ASIC2: variants seen among roughly 807,000 people sequenced by gnomAD.
The protein encoded by ASIC2 is acid-sensing ion channel 2.
A neutral mutation model predicts 57.3 loss-of-function variants in ASIC2; 25 were observed. The ratio of observed to expected loss-of-function variants is 0.44; its 90% CI spans 0.32 to 0.61. The LOEUF (loss-of-function observed/expected upper bound fraction) is 0.61, where lower values mean the gene tolerates loss of function less well. ASIC2 is among the 20% of genes least tolerant of loss of function. The pLI is 0.06. For synonymous variants in ASIC2, 319 were observed against 307.5 expected, an observed-to-expected ratio of 1.04 and a Z score of -0.39; for missense variants, 641 against 738.1, an observed-to-expected ratio of 0.87 and a Z score of 1.52.
chr17:33,212,161 C>T (rs768210277), intron 1 of ASIC2, among the ~76,000 whole-genome samples: 7 of 152,176 alleles, frequency 4.6e-5, no homozygotes, highest in Non-Finnish European at 8.8e-5. Flanking sequence ...CAGATATCCA[C>T]GTCCTAATCC....
At chr17:33,020,447 T>TAA (rs1340747249) in intron 7 of ASIC2, among the ~76,000 whole-genome samples, 1 of 152,156 alleles carries the variant, frequency 6.6e-6, no homozygotes, top group Non-Finnish European at 1.5e-5. Flanking sequence ...AGACAACAGC[T>TAA]ATTTCTCTTT....
intron 1 of ASIC2, among the ~76,000 whole-genome samples, chr17:33,787,864 G>A (rs1911653832): frequency 6.6e-6 from 1 of 152,176 alleles, no homozygotes; most frequent in Non-Finnish European, 1.5e-5. Flanking sequence ...TTTTTCATTA[G>A]TGGTTTAGGA....
At chr17:33,579,827 C>G (rs115562223) in intron 1 of ASIC2, among the ~76,000 whole-genome samples, 8 of 152,150 alleles carry the variant, frequency 5.3e-5, no homozygotes, top group African/African-American at 1.9e-4. Context: ...CGGCGTCTGG[C>G]TCGGGTGGGC....
intron 1 of ASIC2, among the ~76,000 whole-genome samples, chr17:33,425,055 C>G (rs1484025364): frequency 6.6e-6 from 1 of 152,142 alleles, no homozygotes; most frequent in African/African-American, 2.4e-5. Context: ...TTAAATTTCC[C>G]AACACTCCTA....
chr17:33,970,940 T>G (rs986516391), intron 1 of ASIC2, among the ~76,000 whole-genome samples: 1 of 152,178 alleles, frequency 6.6e-6, no homozygotes, highest in African/African-American at 2.4e-5. Context: ...CCTTCAGTCC[T>G]GCAAAAGAGG....
chr17:33,148,125 G>A (rs1215031715), intron 1 of ASIC2, among the ~76,000 whole-genome samples: 1 of 152,190 alleles, frequency 6.6e-6, no homozygotes, highest in Non-Finnish European at 1.5e-5. Context: ...GTATATAATA[G>A]GAGCACAGTT....
At chr17:34,114,812 T>TG (rs1167609541) in intron 1 of ASIC2, among the ~76,000 whole-genome samples, 1 of 152,046 alleles carries the variant, frequency 6.6e-6, no homozygotes, top group Non-Finnish European at 1.5e-5. Flanking sequence ...CCAAAAGCTG[T>TG]GGGTAAGAGG....
intron 1 of ASIC2, among the ~76,000 whole-genome samples, chr17:33,414,398 A>G (rs959419390): frequency 3.3e-5 from 5 of 152,150 alleles, no homozygotes; most frequent in South Asian, 2.1e-4. Context: ...GGTAATGCCC[A>G]TTGGCCAGGG....
chr17:33,018,455 T>C (rs1273642170), intron 7 of ASIC2, among the ~76,000 whole-genome samples: 1 of 152,216 alleles, frequency 6.6e-6, no homozygotes, highest in Non-Finnish European at 1.5e-5. Flanking sequence ...ACCACTCTCC[T>C]GGGAGGACTT....
chr17:33,335,228 A>C (rs1236022711), intron 1 of ASIC2, among the ~76,000 whole-genome samples: 2 of 152,254 alleles, frequency 1.3e-5, no homozygotes, highest in Admixed American at 1.3e-4. Flanking sequence ...ATATGCTCCC[A>C]GTCCACTGAA....
intron 1 of ASIC2, among the ~76,000 whole-genome samples, chr17:34,146,045 G>GT (rs397937746): frequency 2.3e-4 from 35 of 152,322 alleles, no homozygotes; most frequent in African/African-American, 7.7e-4. Context: ...TGAGAGTCAC[G>GT]TAACAGCTGG....
At chr17:33,878,692 T>G (rs1914617204) in intron 1 of ASIC2, among the ~76,000 whole-genome samples, 2 of 152,350 alleles carry the variant, frequency 1.3e-5, no homozygotes, top group South Asian at 2.1e-4. Flanking sequence ...TGCAGGATAT[T>G]ATCCAGGAGC....
chr17:33,938,594 G>A (rs1916117997), intron 1 of ASIC2, among the ~76,000 whole-genome samples: 1 of 152,214 alleles, frequency 6.6e-6, no homozygotes, highest in Admixed American at 6.5e-5. Flanking sequence ...ATTTGTCAAG[G>A]GAGAAATGGA....
intron 3 of ASIC2, among the ~76,000 whole-genome samples, chr17:33,050,460 G>T (rs1252847343): frequency 6.6e-6 from 1 of 152,106 alleles, no homozygotes; most frequent in Non-Finnish European, 1.5e-5. Context: ...TATAGGGTCT[G>T]CCATATAGTC....
chr17:33,515,532 G>C (rs1914539876), intron 1 of ASIC2, among the ~76,000 whole-genome samples: 1 of 152,232 alleles, frequency 6.6e-6, no homozygotes, highest in African/African-American at 2.4e-5. Context: ...AATAACTCAA[G>C]ACACGGAATG....
chr17:33,050,429 C>T (rs985088507), intron 3 of ASIC2, among the ~76,000 whole-genome samples: 2 of 152,100 alleles, frequency 1.3e-5, no homozygotes, highest in Admixed American at 1.3e-4. Flanking sequence ...TCTCTATAGG[C>T]CTCAGTGTCT....
At chr17:33,723,946 AAT>A (rs1427174845) in intron 1 of ASIC2, among the ~76,000 whole-genome samples, 4 of 152,170 alleles carry the variant, frequency 2.6e-5, no homozygotes, top group African/African-American at 9.7e-5. Context: ...ACTTTACAGG[AAT>A]AGTCAGTGAT....
chr17:33,692,553 AGAAAATGTACCGT>A (rs1367936199), intron 1 of ASIC2: 2 of 152,350 alleles, frequency 1.3e-5, no homozygotes, highest in African/African-American at 2.4e-5. Context: ...ATCTAAACAT[AGAAAATGTACCGT>A]GAAAATACAG....
chr17:33,401,034 C>A (rs1389262905), intron 1 of ASIC2, among the ~76,000 whole-genome samples: 1 of 152,128 alleles, frequency 6.6e-6, no homozygotes, highest in Non-Finnish European at 1.5e-5. Context: ...ACTCAGGGGC[C>A]CAGGCTGACA....
Sources: gnomAD v4.1 joint callset for allele counts (sites outside exome capture counted in the v4.1 genomes callset) on GRCh38, gnomAD v4.1.1 for gene constraint, MANE v1.5 for transcripts, NCBI Gene and HGNC (gene_info 2026-07-23, HGNC 2026-07-21) for gene names.